INCENP: variants seen among roughly 807,000 people sequenced by gnomAD.
INCENP encodes the protein binds and activates aurora-B and -C in vivo and in vitro.
INCENP carries 43 observed loss-of-function variants against 107.3 expected under a neutral mutation model. The ratio of observed to expected loss-of-function variants is 0.40; its 90% CI spans 0.31 to 0.52. The LOEUF (loss-of-function observed/expected upper bound fraction) is 0.52. INCENP is among the 20% of genes least tolerant of loss of function. INCENP has a pLI of 0.53. For missense variants in INCENP, 1,089 were observed against 1,250.9 expected, an observed-to-expected ratio of 0.87 and a Z score of 1.95; for synonymous variants, 488 against 494.4, an observed-to-expected ratio of 0.99 and a Z score of 0.17.
chr11:62,144,779 A>T (rs762577710), intron 11 of INCENP: 1 of 762,356 alleles, frequency 1.3e-6, no homozygotes, highest in Non-Finnish European at 2.4e-6. Flanking sequence ...GAGGTAGCTG[A>T]GTGCTCCTGG....
At chr11:62,136,408 G>A (rs770011006) in intron 4 of INCENP, among the ~76,000 whole-genome samples, 9 of 152,254 alleles carry the variant, frequency 5.9e-5, no homozygotes, top group South Asian at 2.1e-4. Flanking sequence ...TTTTGCAGGC[G>A]CAGTGGCTCA....
At position 62,145,629 on chromosome 11, in the gene INCENP, G is replaced by T. The variant is rs1299427529; in HGVS notation, c.1837G>T (p.Ala613Ser). 1 of 1,594,294 alleles carries T rather than the reference G, an allele frequency of 6.3e-7. No homozygotes were observed. Residue 613 changes from alanine to serine, a missense_variant and splice_region_variant, in exon 14 of 19, where the codon GCC becomes TCC. Physicochemically the swap from Ala to Ser is moderately conservative, Grantham distance 99. Transcript: ENST00000394818. ...GGGCATGTGTGGGTGGGCTCTGCAG[G>T]CCAAGGAGGAGCGGCTGGCAGAGGA... Reference protein sequence around the residue: ...FAQIDEKTEKAKEERLAEEKA... With the variant: ...FAQIDEKTEKSKEERLAEEKA...
At chr11:62,130,899 T>C (rs1943880085) in intron 4 of INCENP, among the ~76,000 whole-genome samples, 1 of 152,360 alleles carries the variant, frequency 6.6e-6, no homozygotes, top group South Asian at 2.1e-4. Flanking sequence ...CCCAACCTAC[T>C]TGCTTTACAA....
Position 62,140,909 on chromosome 11 carries a change from G to A in INCENP, c.1462-4G>A, listed in dbSNP as rs1387865815. 1 of 1,614,158 alleles carries A rather than the reference G, an allele frequency of 6.2e-7. No homozygotes were observed. The highest frequency in any genetic ancestry group is 1.1e-5 in the South Asian group (1 of 91,092). ...CCACTTCTGACCCTGGTCCTCGTCT[G>A]CAGGTGGTACGGCCCCTCCGGACCT... is the stretch of plus-strand genomic sequence containing the variant. On this transcript the variant is annotated splice_polypyrimidine_tract_variant and splice_region_variant and intron_variant, in intron 9 of 18. Transcript: ENST00000394818.
rs1403868650 is a variant in INCENP, at chr11:62,141,177, C to T, written c.1593+133C>T. ...AGTGTGGCCTGGCACTGTTAGGGGC[C>T]GGTTGAAGCCTCTGTGGCCACCGGC... On this transcript the variant is annotated intron_variant, in intron 10 of 18. Transcript: ENST00000394818. The T allele has an allele frequency of 5.0e-5, 62 of 1,244,070 alleles. No individual in the cohort carries two copies. The Admixed American group carries it at 6.0e-4, about 12-fold the overall frequency. 77.1% of individuals were successfully genotyped at this position (1,244,070 alleles called of 1,614,324 possible). A position where few individuals can be genotyped will look rare whatever the true frequency, so the allele number is the denominator to read the frequency against.
chr11:62,148,701 C>A, intron 16 of INCENP, 38 bp from the exon 17 acceptor site: 1 of 1,517,884 alleles, frequency 6.6e-7, no homozygotes, highest in South Asian at 1.3e-5. Context: ...AGGGCACCTG[C>A]ACAGCTCCCT....
At chr11:62,129,013 G>A (rs1050356198) in intron 3 of INCENP, 130 bp downstream of exon 3, 10 of 669,628 alleles carry the variant, frequency 1.5e-5, no homozygotes, top group Admixed American at 2.2e-5. Context: ...GTACCACCGC[G>A]GGTACTGCGT....
intron 11 of INCENP, chr11:62,144,663 G>GTT (rs1944197666): frequency 1.6e-6 from 1 of 633,036 alleles, no homozygotes; most frequent in African/African-American, 1.8e-5. Context: ...TCAATGCACA[G>GTT]TTTATGTAGT....
rs1943700914 is a variant in INCENP, at chr11:62,124,166, G to C, written c.-12+3G>C. ...TTCAGGGGACGTGGCGCAGTCGAGT[G>C]AGTGCGCGTGGGCGTGGGGATTGGG... On this transcript the variant is annotated splice_donor_region_variant and intron_variant, in intron 1 of 18. Transcript: ENST00000394818. The C allele has an allele frequency of 6.6e-6, 1 of 152,310 alleles. No individual in the cohort carries two copies. The allele number at this position is 152,310 out of a possible 1,614,324, so 9.4% of individuals were successfully genotyped here. A position where few individuals can be genotyped will look rare whatever the true frequency, so the allele number is the denominator to read the frequency against.
chr11:62,139,264 G>C (rs1944060776), intron 7 of INCENP, among the ~76,000 whole-genome samples: 1 of 152,132 alleles, frequency 6.6e-6, no homozygotes, highest in Non-Finnish European at 1.5e-5. Context: ...GCTGCATCGG[G>C]GTATGGATAT....
chr11:62,128,118 C>G (rs369862563), intron 1 of INCENP, 33 bp from the exon 2 acceptor site: 23 of 1,612,420 alleles, frequency 1.4e-5, no homozygotes, highest in Non-Finnish European at 1.9e-5. Flanking sequence ...CCCTGGGCCC[C>G]TAACTTGTGC....
chr11:62,144,846 A>T lies in INCENP; in HGVS notation c.1606-136A>T, dbSNP rs1229522614. ...GGGTGCTGTTGGGGCCACGTTGGGG[A>T]TACCTCTGCCTAAGAAGCATTCTGA... On this transcript the variant is annotated intron_variant, in intron 11 of 18. Coordinates refer to ENST00000394818, the MANE Select transcript of INCENP (RefSeq NM_001040694.2). 4.8e-6 allele frequency: 4 copies of T among 832,238 alleles called. No individual in the cohort carries two copies. In the African/African-American group the frequency reaches 5.0e-5, roughly 10 times the overall value. The allele number at this position is 832,238 out of a possible 1,614,324, so 51.6% of individuals were successfully genotyped here.
rs761365494 is a variant in INCENP, at chr11:62,145,704, C to T, written c.1912C>T (p.Arg638Cys). Residue 638 changes from arginine (R) to cysteine (C), a missense_variant, in exon 14 of 19, where the codon CGC becomes TGC. By Grantham distance (180) the Arg-to-Cys change is radical. Transcript: ENST00000394818. ...AAKKMEEVEA[R>C]RKQEEEARRL... ...CAAGAAGATGGAGGAGGTGGAAGCA[C>T]GCAGGAAGCAGGAAGAGGAGGCACG... is the stretch of plus-strand genomic sequence containing the variant. The T allele has an allele frequency of 1.5e-5, 23 of 1,561,532 alleles. No individual in the cohort carries two copies. The highest frequency in any genetic ancestry group is 2.4e-5 in the South Asian group (2 of 84,696).
At chr11:62,136,985 C>A (rs1423894450) in intron 4 of INCENP, among the ~76,000 whole-genome samples, 2 of 152,194 alleles carry the variant, frequency 1.3e-5, no homozygotes, top group African/African-American at 2.4e-5. Flanking sequence ...AGCTGAGAAC[C>A]ACTGGCCTGG....
Position 62,145,943 on chromosome 11 carries a change from C to T in INCENP, c.1959+192C>T, listed in dbSNP as rs78029705. Among the ~76,000 whole-genome samples, 6 of 152,342 alleles carry T rather than the reference C, an allele frequency of 3.9e-5. No homozygotes were observed. The East Asian group carries it at 1.2e-3, about 29-fold the overall frequency. ...CCAGAATCTGCCTCTCCTGTAGCAG[C>T]AGTAATTTGAGGGTTAAGTGCTTGT... On this transcript the variant is annotated intron_variant, in intron 14 of 18. Transcript: ENST00000394818.
chr11:62,146,622 C>A, intron 14 of INCENP, 36 bp from the exon 15 acceptor site: 1 of 1,548,398 alleles, frequency 6.5e-7, no homozygotes, highest in East Asian at 2.4e-5. Flanking sequence ...CTGGCCTGGG[C>A]CTGGCCGCAG....
At chr11:62,148,438 C>T (rs970042311) in intron 15 of INCENP, 38 bp from the exon 16 acceptor site, 4 of 1,571,128 alleles carry the variant, frequency 2.5e-6, no homozygotes, top group East Asian at 2.3e-5. Flanking sequence ...GGCTGGGCCT[C>T]CACTTCCTGT....
At chr11:62,148,620 T>A (rs1483912070) in intron 16 of INCENP, 66 bp downstream of exon 16, 1 of 1,514,344 alleles carries the variant, frequency 6.6e-7, no homozygotes, top group Non-Finnish European at 9.0e-7. Flanking sequence ...TCTGGACTCC[T>A]GCAGCAGGGG....
chr11:62,137,258 G>T (rs1262698376), intron 4 of INCENP, among the ~76,000 whole-genome samples: 1 of 152,128 alleles, frequency 6.6e-6, no homozygotes, highest in Non-Finnish European at 1.5e-5. Context: ...AGCTGAGATT[G>T]TTCCACTACA....
Sources: allele counts gnomAD v4.1 joint callset (sites outside exome capture counted in the v4.1 genomes callset), GRCh38; gene constraint gnomAD v4.1.1; transcripts MANE v1.5; gene names NCBI Gene and HGNC (gene_info 2026-07-23, HGNC 2026-07-21).